The following PCNX1 variants were observed in gnomAD, a reference collection of about 807,000 sequenced individuals.
PCNX1 encodes pecanex-like protein 1.
A neutral mutation model predicts 242.2 loss-of-function variants in PCNX1; 78 were observed. That is an observed-to-expected ratio of 0.32 (90% CI 0.27 to 0.39). The LOEUF (loss-of-function observed/expected upper bound fraction) is 0.39. Among genes scored for constraint, PCNX1 ranks in the 10% least tolerant of loss-of-function variants. The pLI is 1.00. For synonymous variants in PCNX1, 1,024 were observed against 1,032.9 expected (o/e 0.99, Z 0.17); for missense variants, 2,581 against 2,856.5 (o/e 0.90, Z 2.20).
In PCNX1 at chr14:71,019,078, T is replaced by G; in HGVS notation, c.3066T>G (p.Ile1022Met). ...LAILVAFLGS[I>M]LLIQGFFRDI... ...TTCTCGTGGCCTTTTTGGGATCTAT[T>G]CTTCTCATACAAGGATTCTTCAGAG... Residue 1022 changes from isoleucine to methionine, a missense_variant, in exon 12 of 36, where the codon ATT becomes ATG. Transcript: ENST00000304743. The G allele has an allele frequency of 1.2e-6, 2 of 1,613,694 alleles. No homozygotes were observed. The highest frequency in any genetic ancestry group is 1.7e-6 in the Non-Finnish European group (2 of 1,179,706).
At chr14:71,105,851 A>G (rs1266490492) in intron 33 of PCNX1, among the ~76,000 whole-genome samples, 3 of 147,420 alleles carry the variant, frequency 2.0e-5, no homozygotes, top group Admixed American at 6.8e-5. Flanking sequence ...CAGAAATATA[A>G]TTTTTTTTAT....
intron 1 of PCNX1, among the ~76,000 whole-genome samples, chr14:70,929,945 TTTTC>T (rs1215213115): frequency 2.6e-5 from 4 of 152,222 alleles, no homozygotes; most frequent in Non-Finnish European, 4.4e-5. Context: ...GTATAAATGA[TTTTC>T]TTTCTTTAAA....
At chr14:71,030,630 A>G (rs1321328779) in intron 16 of PCNX1, among the ~76,000 whole-genome samples, 2 of 152,098 alleles carry the variant, frequency 1.3e-5, no homozygotes, top group African/African-American at 2.4e-5. Flanking sequence ...TAAAGACTCA[A>G]TCAAGATGTT....
chr14:71,061,856 G>A (rs60473605), intron 26 of PCNX1, among the ~76,000 whole-genome samples: 4,839 of 152,216 alleles, frequency 0.032, 229 homozygotes, highest in African/African-American at 0.11. Flanking sequence ...CTAATGAGGG[G>A]TTGTTGGAAC....
intron 21 of PCNX1, among the ~76,000 whole-genome samples, chr14:71,047,495 G>C (rs892474829): frequency 6.6e-6 from 1 of 152,058 alleles, no homozygotes; most frequent in African/African-American, 2.4e-5. Flanking sequence ...TTTTTCATTT[G>C]CTAAATGCAG....
At chr14:71,056,232 A>G (rs1050575340) in intron 25 of PCNX1, among the ~76,000 whole-genome samples, 2 of 152,222 alleles carry the variant, frequency 1.3e-5, no homozygotes, top group Non-Finnish European at 2.9e-5. Flanking sequence ...TTGACTTACA[A>G]ATTCCTTCAA....
rs1399048007 is a variant in PCNX1 at position 70,968,879 on chromosome 14, C to T, written c.515-142C>T. 5 of 569,104 alleles carry T rather than the reference C, an allele frequency of 8.8e-6. No individual in the cohort carries two copies. The East Asian group carries it at 1.4e-4, about 16-fold the overall frequency. The allele number at this position is 569,104 out of a possible 1,614,324, so 35.3% of individuals were successfully genotyped here. On this transcript the variant is annotated intron_variant, in intron 4 of 35. Coordinates refer to ENST00000304743, the MANE Select transcript of PCNX1 (RefSeq NM_014982.3). ...CTTCCTGCTAGTTCAGTGCATCTTC[C>T]ATTATTGTAACCTTTGATACACAAA... is the stretch of plus-strand genomic sequence containing the variant.
rs2061635666 is a variant in PCNX1 at position 71,073,434 on chromosome 14, CTTTCAA to C, written c.4853-108_4853-103del. Reference sequence around the variant, plus strand: ...TATTCTAAGGCAAATCCATCACATACTTTCAATTGCAATAAAATATGTATTTTTTTC... The same window carrying C: ...TATTCTAAGGCAAATCCATCACATACTTGCAATAAAATATGTATTTTTTTC... On this transcript the variant is annotated intron_variant, in intron 26 of 35. Transcript: ENST00000304743. The C allele has an allele frequency of 3.8e-6, 4 of 1,041,146 alleles. No homozygotes were observed. The East Asian group carries it at 9.6e-5, about 25-fold the overall frequency. The allele number at this position is 1,041,146 out of a possible 1,614,324, so 64.5% of individuals were successfully genotyped here. A position where few individuals can be genotyped will look rare whatever the true frequency, so the allele number is the denominator to read the frequency against.
At chr14:70,928,503 G>T (rs960170085) in intron 1 of PCNX1, among the ~76,000 whole-genome samples, 8 of 152,094 alleles carry the variant, frequency 5.3e-5, no homozygotes, top group Non-Finnish European at 1.0e-4. Context: ...TTTACTGTGG[G>T]ATTTACTTAG....
At chr14:70,950,823 A>G (rs1341019366) in intron 2 of PCNX1, among the ~76,000 whole-genome samples, 1 of 151,238 alleles carries the variant, frequency 6.6e-6, no homozygotes, top group East Asian at 1.9e-4. Context: ...TTTGCTATTG[A>G]TTTTGGAACT....
intron 1 of PCNX1, among the ~76,000 whole-genome samples, chr14:70,934,617 G>C (rs2056929316): frequency 6.6e-6 from 1 of 152,098 alleles, no homozygotes; most frequent in Non-Finnish European, 1.5e-5. Context: ...CTTCAGTAGT[G>C]TCAGTGTTGA....
intron 16 of PCNX1, chr14:71,032,050 A>C (rs1037194985): frequency 4.5e-5 from 34 of 751,020 alleles, no homozygotes; most frequent in South Asian, 4.3e-4. Context: ...TGGAAAGATT[A>C]ATAGACAAAG....
intron 34 of PCNX1, 134 bp from the exon 35 acceptor site, chr14:71,109,318 T>TA: frequency 1.1e-6 from 1 of 880,346 alleles, no homozygotes; most frequent in Non-Finnish European, 1.7e-6. Context: ...ATGTAGCTCT[T>TA]AAGATTTTTT....
intron 28 of PCNX1, among the ~76,000 whole-genome samples, chr14:71,077,136 TC>T (rs1452720574): frequency 1.3e-5 from 2 of 152,170 alleles, no homozygotes; most frequent in Admixed American, 1.3e-4. Flanking sequence ...TGGCTCCCAA[TC>T]CACACATTAG....
rs1344743736 is a variant in PCNX1 at position 70,931,500 on chromosome 14, G to A, written c.154-15415G>A. Among the ~76,000 whole-genome samples, 3 of 141,476 alleles carry A rather than the reference G, an allele frequency of 2.1e-5. No individual in the cohort carries two copies. In the East Asian group the frequency reaches 6.5e-4, roughly 31 times the overall value. 92.8% of individuals were successfully genotyped at this position (141,476 alleles called of 152,430 possible). ...AAAAGTTAGTCCAGATATACTGATG[G>A]ATGGAACTTACAATTTACGATAGGA... On this transcript the variant is annotated intron_variant, in intron 1 of 35. Transcript: ENST00000304743.
At chr14:71,053,900 C>A (rs1270463618) in intron 24 of PCNX1, among the ~76,000 whole-genome samples, 1 of 152,008 alleles carries the variant, frequency 6.6e-6, no homozygotes, top group Non-Finnish European at 1.5e-5. Context: ...CAGCTGGATT[C>A]TTGTATCTAC....
intron 26 of PCNX1, among the ~76,000 whole-genome samples, chr14:71,058,570 C>G (rs2061242704): frequency 6.6e-6 from 1 of 152,052 alleles, no homozygotes; most frequent in South Asian, 2.1e-4. Flanking sequence ...TAGTTTTAGT[C>G]TGGAATAGAA....
At position 71,103,677 on chromosome 14, in the gene PCNX1, A is replaced by G. The variant is rs760529657; in HGVS notation, c.6095+8A>G. 3.7e-6 allele frequency: 6 copies of G among 1,613,400 alleles called. No individual in the cohort carries two copies. Among genetic ancestry groups the G allele is most frequent in the Admixed American group, 1.7e-5 (1 of 60,012 alleles). On this transcript the variant is annotated splice_region_variant and intron_variant, in intron 32 of 35. Transcript: ENST00000304743. ...AGTGTCAACCTGGCACAGGTGAGCCAAGGGATTGTATTATTCAGTGCTGGT... is the reference window on the plus strand; with the variant it reads ...AGTGTCAACCTGGCACAGGTGAGCCGAGGGATTGTATTATTCAGTGCTGGT...
intron 16 of PCNX1, among the ~76,000 whole-genome samples, chr14:71,031,362 C>T (rs2060379056): frequency 6.6e-6 from 1 of 152,186 alleles, no homozygotes; most frequent in South Asian, 2.1e-4. Flanking sequence ...AGGTACAAGG[C>T]TGAGTGGGCA....
Sources: allele counts gnomAD v4.1 joint callset (sites outside exome capture counted in the v4.1 genomes callset), GRCh38; gene constraint gnomAD v4.1.1; transcripts MANE v1.5; gene names NCBI Gene and HGNC (gene_info 2026-07-23, HGNC 2026-07-21).